Variants in SLC22A13 observed in about 807,000 individuals in gnomAD.
The protein encoded by SLC22A13 is organic anion transporter 10.
Under a neutral mutation model 49.1 loss-of-function variants are expected in SLC22A13, and 42 were observed. The ratio of observed to expected loss-of-function variants is 0.85; its 90% CI spans 0.67 to 1.11. The LOEUF (loss-of-function observed/expected upper bound fraction) is 1.11, where lower values mean the gene tolerates loss of function less well. SLC22A13 is among the 50% of genes least tolerant of loss of function. The pLI is 0.00. For missense variants in SLC22A13, 694 were observed against 712.8 expected (o/e 0.97, Z 0.30); for synonymous variants, 282 against 293.1 (o/e 0.96, Z 0.39).
At chr3:38,276,454 C>G in intron 8 of SLC22A13, 59 bp downstream of exon 8, 2 of 1,208,496 alleles carry the variant, frequency 1.7e-6, no homozygotes, top group Non-Finnish European at 2.4e-6. Context: ...TTGGCTGTCC[C>G]TCCTCGGCCC....
Position 38,276,364 on chromosome 3 carries a change from T to G in SLC22A13, c.1315T>G (p.Tyr439Asp). Residue 439 changes from tyrosine to aspartate, a missense_variant, in exon 8 of 10, where the codon TAC (tyrosine) becomes GAC (aspartate). Coordinates refer to ENST00000311856, the MANE Select transcript of SLC22A13 (RefSeq NM_004256.4). ...TGCTGCCTTTACCATCTCCTATGTG[T>G]ACTCTGCCGAGCTTTTCCCCACCAT... The part of the protein sequence containing the change: ...TAAAFTISYV[Y>D]SAELFPTILR... 1 of 1,613,408 alleles carries G rather than the reference T, an allele frequency of 6.2e-7. No homozygotes were observed. The highest frequency in any genetic ancestry group is 8.5e-7 in the Non-Finnish European group (1 of 1,179,578).
At position 38,276,983 on chromosome 3, in the gene SLC22A13, T is replaced by G. The variant is rs1473856704; in HGVS notation, c.1418T>G (p.Leu473Arg). 1 of 1,613,500 alleles carries G rather than the reference T, an allele frequency of 6.2e-7. No homozygotes were observed. The highest frequency in any genetic ancestry group is 1.7e-5 in the Admixed American group (1 of 59,958). The stretch of plus-strand genomic sequence containing the variant: ...ATCCTCACACCACTTGTGATCCTGC[T>G]GGGAGAGTACCACGCTGCCCTCCCC... ...GGILTPLVIL[L>R]GEYHAALPML... The change falls in exon 9 of 10, where the codon CTG becomes CGG. Residue 473 changes from leucine (L) to arginine (R), a missense_variant. By Grantham distance (102) the Leu-to-Arg change is moderately radical (BLOSUM62 -2). Coordinates refer to ENST00000311856, the MANE Select transcript of SLC22A13 (RefSeq NM_004256.4).
Position 38,278,519 on chromosome 3 carries a change from CA to C in SLC22A13, c.*1056del, listed in dbSNP as rs1354762910. 6.6e-6 allele frequency among the ~76,000 whole-genome samples: 1 copy of C among 152,244 alleles called. No homozygotes were observed. The highest frequency in any genetic ancestry group is 1.9e-4 in the East Asian group (1 of 5,176). ...GTCCTACAGCTGGCAGCCCCTGACC[CA>C]ACCAAGATGGCCTTCTTGGCTGGGC... On this transcript the variant is annotated 3_prime_UTR_variant, in exon 10 of 10. Coordinates refer to ENST00000311856, the MANE Select transcript of SLC22A13 (RefSeq NM_004256.4).
intron 2 of SLC22A13, 77 bp from the exon 3 acceptor site, chr3:38,274,527 G>C (rs1703554557): frequency 2.6e-6 from 4 of 1,537,280 alleles, no homozygotes; most frequent in Middle Eastern, 1.8e-4. Context: ...CCAGGACAGG[G>C]CTGGGCCCCC....
chr3:38,274,284 T>A lies in SLC22A13; in HGVS notation c.391T>A (p.Cys131Ser), dbSNP rs1703551050. The A allele has an allele frequency of 6.2e-7, 1 of 1,613,858 alleles. No individual in the cohort carries two copies. Among genetic ancestry groups the A allele is most frequent in the South Asian group, 1.1e-5 (1 of 91,094 alleles). The change falls in exon 2 of 10, where the codon TGT (cysteine) becomes AGT (serine). Residue 131 changes from cysteine to serine, a missense_variant. Physicochemically the swap from Cys to Ser is moderately radical, Grantham distance 112 (BLOSUM62 -1). Transcript: ENST00000311856. Reference protein sequence around the residue: ...PSLKNEFNLVCDRKHLKDTTQ... With the variant: ...PSLKNEFNLVSDRKHLKDTTQ... Reference sequence around the variant, plus strand: ...GTGTCTCCCTCAGTTCAACCTGGTTTGTGATCGGAAGCACCTGAAGGACAC... The same window carrying A: ...GTGTCTCCCTCAGTTCAACCTGGTTAGTGATCGGAAGCACCTGAAGGACAC...
intron 1 of SLC22A13, among the ~76,000 whole-genome samples, chr3:38,271,736 T>C (rs1703526009): frequency 6.6e-6 from 1 of 152,016 alleles, no homozygotes; most frequent in Non-Finnish European, 1.5e-5. Flanking sequence ...ATGCCTGGCA[T>C]ATTTAGGAAT....
chr3:38,266,022 G>A lies in SLC22A13; in HGVS notation c.162G>A (p.Trp54Ter). ...AGCCCCACCACTGTGCAGTGGCTTG[G>A]GTGAAGAACCACACTTTCAACCTGA... is the stretch of plus-strand genomic sequence containing the variant. ...LDEPHHCAVA[W>*]VKNHTFNLSA... Residue 54 changes from tryptophan (W) to a stop codon, truncating the protein, a stop_gained, in exon 1 of 10, where the codon TGG becomes TGA. Transcript: ENST00000311856. LOFTEE classifies it high-confidence loss of function. 2 of 1,614,116 alleles carry A rather than the reference G, an allele frequency of 1.2e-6. No homozygotes were observed. The highest frequency in any genetic ancestry group is 1.7e-6 in the Non-Finnish European group (2 of 1,180,024).
chr3:38,267,301 C>A (rs71323656), intron 1 of SLC22A13, among the ~76,000 whole-genome samples: 5 of 152,200 alleles, frequency 3.3e-5, no homozygotes, highest in South Asian at 4.1e-4. Flanking sequence ...GTCCTTCTCC[C>A]AACTCTCCCC....
At chr3:38,274,873 TC>T in intron 3 of SLC22A13, 115 bp downstream of exon 3, 1 of 1,543,442 alleles carries the variant, frequency 6.5e-7, no homozygotes, top group Non-Finnish European at 8.8e-7. Flanking sequence ...TCTGAAGTGG[TC>T]GCACTGGTGC....
At chr3:38,269,083 A>C (rs2125862447) in intron 1 of SLC22A13, among the ~76,000 whole-genome samples, 1 of 152,324 alleles carries the variant, frequency 6.6e-6, no homozygotes, top group South Asian at 2.1e-4. Context: ...TTAAGCAAAC[A>C]AAAAAATTTT....
intron 8 of SLC22A13, 141 bp from the exon 9 acceptor site, chr3:38,276,771 C>T (rs1425736034): frequency 2.8e-6 from 2 of 713,078 alleles, no homozygotes; most frequent in East Asian, 5.4e-5. Flanking sequence ...GAGCAGAGAG[C>T]AGGAACGCTG....
chr3:38,274,569 G>C lies in SLC22A13; in HGVS notation c.483-35G>C, dbSNP rs73825504. On this transcript the variant is annotated intron_variant, in intron 2 of 9. Transcript: ENST00000311856. Reference sequence around the variant, plus strand: ...CCTTCTCCTCAGATGCCTTCCGGGAGGGACCCTCCCCACAGACCTGCCCTG... The same window carrying C: ...CCTTCTCCTCAGATGCCTTCCGGGACGGACCCTCCCCACAGACCTGCCCTG... 9.6e-3 allele frequency: 15,356 copies of C among 1,604,650 alleles called. 809 individuals are homozygous for C. The African/African-American group carries it at 0.14, about 14-fold the overall frequency.
chr3:38,268,317 G>C (rs779582848), intron 1 of SLC22A13, among the ~76,000 whole-genome samples: 1 of 152,172 alleles, frequency 6.6e-6, no homozygotes, highest in Non-Finnish European at 1.5e-5. Flanking sequence ...ATGTTCTTAA[G>C]TGTTCTCCCC....
In SLC22A13 at chr3:38,277,127, G is replaced by A. The variant is rs1269705908; in HGVS notation, c.1562G>A (p.Arg521Gln). 31 of 1,555,036 alleles carry A rather than the reference G, an allele frequency of 2.0e-5. No individual in the cohort carries two copies. Among genetic ancestry groups the A allele is most frequent in the Non-Finnish European group, 2.5e-5 (29 of 1,148,776 alleles). Residue 521 changes from arginine to glutamine, a missense_variant and splice_region_variant, in exon 9 of 10, where the codon CGG becomes CAG. Physicochemically the swap from Arg to Gln is conservative, Grantham distance 43 (BLOSUM62 1). Transcript: ENST00000311856. ...GACCTGGAGCTGGGGCCTCACCCAC[G>A]GTGAGCTGCTTGCTTGCACTGAAAC... ...LQDLELGPHPRSPKSVPSEKE... is the reference protein window; with the variant it reads ...LQDLELGPHPQSPKSVPSEKE...
At position 38,276,284 on chromosome 3, in the gene SLC22A13, CAG is replaced by C; in HGVS notation, c.1238-1_1238del. On this transcript the variant is annotated splice_acceptor_variant, in intron 7 of 9. Transcript: ENST00000311856. LOFTEE classifies it high-confidence loss of function. ...GGTGATGGGGCTGTCTACCCTCTGCCAGATCTGCCCGTGGTGGTCACCATGCT... is the reference window on the plus strand; with the variant it reads ...GGTGATGGGGCTGTCTACCCTCTGCCATCTGCCCGTGGTGGTCACCATGCT... The C allele has an allele frequency of 6.2e-7, 1 of 1,609,568 alleles. No homozygotes were observed.
At position 38,274,309 on chromosome 3, in the gene SLC22A13, CCA is replaced by C. The variant is rs1332169085; in HGVS notation, c.421_422del (p.Gln141ValfsTer48). ...TGTGATCGGAAGCACCTGAAGGACA[CCA>C]CACAGTCAGTGTTCATGGCTGGGCT... On this transcript the variant is annotated frameshift_variant, in exon 2 of 10. Coordinates refer to ENST00000311856, the MANE Select transcript of SLC22A13 (RefSeq NM_004256.4). LOFTEE classifies it high-confidence loss of function. 6.2e-7 allele frequency: 1 copy of C among 1,614,170 alleles called. No homozygotes were observed. The highest frequency in any genetic ancestry group is 8.5e-7 in the Non-Finnish European group (1 of 1,179,996).
chr3:38,276,385 AC>A lies in SLC22A13; in HGVS notation c.1338del (p.Ile447SerfsTer24). On this transcript the variant is annotated frameshift_variant, in exon 8 of 10. Transcript: ENST00000311856. LOFTEE classifies it high-confidence loss of function. ...SYVYSAELFP[T>X]ILRQTGMGLV... ...TGTGTACTCTGCCGAGCTTTTCCCC[AC>A]CATCCTCCGGTAAGAGCTGCAGTGT... 6.2e-7 allele frequency: 1 copy of A among 1,608,544 alleles called. No homozygotes were observed. Among genetic ancestry groups the A allele is most frequent in the African/African-American group, 1.3e-5 (1 of 74,814 alleles).
At position 38,275,612 on chromosome 3, in the gene SLC22A13, C is replaced by A; in HGVS notation, c.962C>A (p.Ala321Asp). ...VPEKTGPSGN[A>D]LDLFRHPQLR... ...GAGAAGACAGGCCCCTCAGGGAATG[C>A]CCTGGATCTGTTCAGACACCCCCAG... Residue 321 changes from alanine (A) to aspartate (D), a missense_variant, in exon 6 of 10, where the codon GCC (alanine) becomes GAC (aspartate). Physicochemically the swap from Ala to Asp is moderately radical, Grantham distance 126. Coordinates refer to ENST00000311856, the MANE Select transcript of SLC22A13 (RefSeq NM_004256.4). 6.2e-7 allele frequency: 1 copy of A among 1,614,176 alleles called. No individual in the cohort carries two copies. Among genetic ancestry groups the A allele is most frequent in the South Asian group, 1.1e-5 (1 of 91,082 alleles).
Position 38,275,910 on chromosome 3 carries a change from C to G in SLC22A13, c.1051C>G (p.Leu351Val). The change falls in exon 7 of 10, where the codon CTG (leucine) becomes GTG (valine). Residue 351 changes from leucine (L) to valine (V), a missense_variant. Transcript: ENST00000311856. The part of the protein sequence containing the change: ...WFVDSLGYYG[L>V]SLQVGDFGLD... Reference sequence around the variant, plus strand: ...TGTGGACAGTCTGGGGTACTACGGCCTGAGCCTCCAAGTGGGGGACTTCGG... The same window carrying G: ...TGTGGACAGTCTGGGGTACTACGGCGTGAGCCTCCAAGTGGGGGACTTCGG... 6.2e-7 allele frequency: 1 copy of G among 1,614,220 alleles called. No homozygotes were observed. Among genetic ancestry groups the G allele is most frequent in the Non-Finnish European group, 8.5e-7 (1 of 1,180,034 alleles).
Sources: gnomAD v4.1 joint callset for allele counts (sites outside exome capture counted in the v4.1 genomes callset) on GRCh38, gnomAD v4.1.1 for gene constraint, MANE v1.5 for transcripts, NCBI Gene and HGNC (gene_info 2026-07-23, HGNC 2026-07-21) for gene names.